Variants in PRKCA observed in about 807,000 individuals in gnomAD.
The protein encoded by PRKCA is protein kinase C alpha type.
A neutral mutation model predicts 87.0 loss-of-function variants in PRKCA; 27 were observed. The ratio of observed to expected loss-of-function variants is 0.31; its 90% CI spans 0.23 to 0.43. PRKCA has a LOEUF of 0.43. Among genes scored for constraint, PRKCA ranks in the 20% least tolerant of loss-of-function variants. PRKCA has a pLI of 1.00. For synonymous variants in PRKCA, 329 were observed against 311.1 expected, an observed-to-expected ratio of 1.06 and a Z score of -0.61; for missense variants, 518 against 852.3, an observed-to-expected ratio of 0.61 and a Z score of 4.88.
intron 8 of PRKCA, among the ~76,000 whole-genome samples, chr17:66,693,453 A>G (rs1319014339): frequency 1.3e-5 from 2 of 152,232 alleles, no homozygotes; most frequent in Non-Finnish European, 2.9e-5. Flanking sequence ...TTTGGAGCTT[A>G]CGTTCTGTAT....
intron 2 of PRKCA, among the ~76,000 whole-genome samples, chr17:66,310,828 C>T (rs184005146): frequency 1.6e-4 from 25 of 152,284 alleles, no homozygotes; most frequent in Middle Eastern, 3.4e-3. Flanking sequence ...TCATCCGCCA[C>T]GGTGTTCTGA....
intron 3 of PRKCA, among the ~76,000 whole-genome samples, chr17:66,551,306 T>C (rs1968320049): frequency 6.6e-6 from 1 of 152,218 alleles, no homozygotes; most frequent in Admixed American, 6.5e-5. Context: ...CAGAAATTGG[T>C]ACCCAGCTGA....
At chr17:66,797,867 G>A (rs1402850078) in intron 16 of PRKCA, among the ~76,000 whole-genome samples, 5 of 152,240 alleles carry the variant, frequency 3.3e-5, no homozygotes, top group Non-Finnish European at 5.9e-5. Flanking sequence ...AAAAGCCTCA[G>A]TCGGCAAAAG....
chr17:66,361,118 C>T (rs547159613), intron 2 of PRKCA, among the ~76,000 whole-genome samples: 2 of 151,868 alleles, frequency 1.3e-5, no homozygotes, highest in Admixed American at 6.6e-5. Flanking sequence ...GGCTTCAGGG[C>T]AGTAGATAGG....
At chr17:66,542,856 G>A (rs1968030260) in intron 3 of PRKCA, among the ~76,000 whole-genome samples, 1 of 152,204 alleles carries the variant, frequency 6.6e-6, no homozygotes, top group Non-Finnish European at 1.5e-5. Context: ...GTATGCATGT[G>A]ATTTTCTTGG....
chr17:66,508,150 A>G (rs915994628), intron 3 of PRKCA, among the ~76,000 whole-genome samples: 1 of 152,216 alleles, frequency 6.6e-6, no homozygotes, highest in Non-Finnish European at 1.5e-5. Context: ...CGCCTCTATT[A>G]TGTTGTACCA....
chr17:66,546,879 A>G (rs1173752887), intron 3 of PRKCA, among the ~76,000 whole-genome samples: 2 of 152,114 alleles, frequency 1.3e-5, no homozygotes. Context: ...CTTTCCAACA[A>G]TATTATACCA....
chr17:66,336,538 A>G (rs1906670706), intron 2 of PRKCA, among the ~76,000 whole-genome samples: 2 of 152,140 alleles, frequency 1.3e-5, no homozygotes, highest in African/African-American at 4.8e-5. Context: ...TTTTTCTTAT[A>G]GGATTTGGCT....
At chr17:66,607,621 T>C (rs1022697022) in intron 3 of PRKCA, among the ~76,000 whole-genome samples, 1 of 152,232 alleles carries the variant, frequency 6.6e-6, no homozygotes, top group Non-Finnish European at 1.5e-5. Context: ...ATCTGGTTCC[T>C]TAGCCAATTC....
chr17:66,368,310 G>T lies in PRKCA; in HGVS notation c.205+62183G>T, dbSNP rs546003668. ...TATACACACATATATGTGTGTGTGTGTGTGTTTATCTATATGTGTGTGTAT... is the reference window on the plus strand; with the variant it reads ...TATACACACATATATGTGTGTGTGTTTGTGTTTATCTATATGTGTGTGTAT... On this transcript the variant is annotated intron_variant, in intron 2 of 16. Transcript: ENST00000413366. Among the ~76,000 whole-genome samples the T allele has an allele frequency of 2.3e-3, 333 of 147,016 alleles. 1 individual carries two copies. The highest frequency in any genetic ancestry group is 4.2e-3 in the Non-Finnish European group (283 of 67,244).
At chr17:66,711,343 A>T (rs16960091) in intron 8 of PRKCA, among the ~76,000 whole-genome samples, 1 of 152,130 alleles carries the variant, frequency 6.6e-6, no homozygotes, top group African/African-American at 2.4e-5. Flanking sequence ...AATATATCAT[A>T]GGCTGAAATC....
intron 2 of PRKCA, among the ~76,000 whole-genome samples, chr17:66,404,700 TTC>T (rs1911244283): frequency 6.9e-6 from 1 of 144,616 alleles, no homozygotes; most frequent in Non-Finnish European, 1.5e-5. Flanking sequence ...TCAGTCTCTG[TTC>T]CACACACTCC....
chr17:66,543,289 T>G (rs1968046062), intron 3 of PRKCA, among the ~76,000 whole-genome samples: 1 of 152,210 alleles, frequency 6.6e-6, no homozygotes, highest in African/African-American at 2.4e-5. Context: ...GCAGTATTTG[T>G]GGTTTCCTGG....
chr17:66,603,527 G>A (rs1057153939), intron 3 of PRKCA, among the ~76,000 whole-genome samples: 5 of 152,124 alleles, frequency 3.3e-5, no homozygotes, highest in African/African-American at 1.2e-4. Flanking sequence ...TCTGTTGTGG[G>A]CTTTGGTAGA....
At chr17:66,799,914 G>T (rs1975861943) in intron 16 of PRKCA, among the ~76,000 whole-genome samples, 1 of 151,964 alleles carries the variant, frequency 6.6e-6, no homozygotes, top group Non-Finnish European at 1.5e-5. Context: ...GCTGCCCCCT[G>T]CCTCTTGGTG....
intron 8 of PRKCA, among the ~76,000 whole-genome samples, chr17:66,727,899 C>A (rs372313676): frequency 1.1e-4 from 16 of 152,278 alleles, no homozygotes; most frequent in African/African-American, 3.8e-4. Context: ...CCTCGTCCCC[C>A]TGCCCTCAGG....
At chr17:66,706,208 T>G (rs752411449) in intron 8 of PRKCA, among the ~76,000 whole-genome samples, 13 of 152,184 alleles carry the variant, frequency 8.5e-5, no homozygotes, top group Non-Finnish European at 1.6e-4. Flanking sequence ...GTAAACAAAT[T>G]CAGTCTCCTG....
chr17:66,466,627 G>T (rs1479716932), intron 2 of PRKCA, among the ~76,000 whole-genome samples: 1 of 152,192 alleles, frequency 6.6e-6, no homozygotes, highest in Non-Finnish European at 1.5e-5. Flanking sequence ...AGTCTGTGCT[G>T]TTAAGAATTG....
intron 3 of PRKCA, among the ~76,000 whole-genome samples, chr17:66,553,217 AGCGATCCACCC>A (rs945231052): frequency 2.0e-5 from 3 of 152,160 alleles, no homozygotes; most frequent in Admixed American, 2.0e-4. Flanking sequence ...CCTGAGCTCA[AGCGATCCACCC>A]GCCTCAGCCT....
Sources: gnomAD v4.1 joint callset for allele counts (sites outside exome capture counted in the v4.1 genomes callset) on GRCh38, gnomAD v4.1.1 for gene constraint, MANE v1.5 for transcripts, NCBI Gene and HGNC (gene_info 2026-07-23, HGNC 2026-07-21) for gene names.